CSMD1: variants seen among roughly 807,000 people sequenced by gnomAD.
CSMD1 encodes CUB and sushi domain-containing protein 1.
A neutral mutation model predicts 417.5 loss-of-function variants in CSMD1; 213 were observed. The ratio of observed to expected loss-of-function variants is 0.51; its 90% CI spans 0.46 to 0.57. The LOEUF is 0.57. Ranked by LOEUF, CSMD1 falls within the 20% of genes least tolerant of loss-of-function variation. The probability of loss-of-function intolerance (pLI) is 0.00; values close to 1 mark genes in which losing one functional copy is unlikely to be tolerated. For synonymous variants in CSMD1, 2,862 were observed against 1,736.8 expected, an observed-to-expected ratio of 1.65 and a Z score of -16.11; for missense variants, 6,923 against 4,529.7, an observed-to-expected ratio of 1.53 and a Z score of -15.17.
Position 3,529,368 on chromosome 8 carries a change from A to T in CSMD1, c.1345-35642T>A, listed in dbSNP as rs371735533. On this transcript the variant is annotated intron_variant, in intron 10 of 69. Transcript: ENST00000635120. The stretch of plus-strand genomic sequence containing the variant: ...GTACTAAATCAATTCAAGAAAGAGT[A>T]ACTCCCTCTTAAAATAATTGACTAT... Among the ~76,000 whole-genome samples, 151 of 152,332 alleles carry T rather than the reference A, an allele frequency of 9.9e-4. 6 individuals carry two copies. The South Asian group carries it at 0.03, about 31-fold the overall frequency.
rs184274637 is a variant in CSMD1, at chr8:3,988,999, T to G, written c.818+8904A>C. On this transcript the variant is annotated intron_variant, in intron 5 of 69. Coordinates refer to ENST00000635120, the MANE Select transcript of CSMD1 (RefSeq NM_033225.6). ...ATAGACTTTTAGAACTAGATACAGG[T>G]AAAAACCATTGTTCAAAACACATTC... Among the ~76,000 whole-genome samples the G allele has an allele frequency of 1.3e-3, 195 of 152,328 alleles. 1 individual carries two copies. The Middle Eastern group carries it at 0.024, about 19-fold the overall frequency.
chr8:4,118,572 A>C (rs1207250371), intron 3 of CSMD1, among the ~76,000 whole-genome samples: 1 of 152,232 alleles, frequency 6.6e-6, no homozygotes, highest in African/African-American at 2.4e-5. Flanking sequence ...AATGGCGATC[A>C]TGAAAAAGTA....
chr8:4,414,210 G>C (rs920660963), intron 3 of CSMD1, among the ~76,000 whole-genome samples: 3 of 152,166 alleles, frequency 2.0e-5, no homozygotes, highest in African/African-American at 7.2e-5. Context: ...ATCCACAGGT[G>C]TTAAAGAAAA....
chr8:4,778,952 C>T (rs73177596), intron 1 of CSMD1, among the ~76,000 whole-genome samples: 2,999 of 152,182 alleles, frequency 0.02, 46 homozygotes, highest in Non-Finnish European at 0.031. Context: ...TTTAAATAGC[C>T]ATAATGTTAA....
intron 3 of CSMD1, among the ~76,000 whole-genome samples, chr8:4,281,173 G>A (rs552063181): frequency 1.1e-4 from 17 of 152,150 alleles, no homozygotes; most frequent in Non-Finnish European, 2.2e-4. Context: ...TGGTTTTCAG[G>A]TCAAATGTAA....
intron 12 of CSMD1, among the ~76,000 whole-genome samples, chr8:3,434,856 C>G (rs181814917): frequency 6.6e-6 from 1 of 152,070 alleles, no homozygotes; most frequent in African/African-American, 2.4e-5. Flanking sequence ...ACACTCAAAT[C>G]GGAAAATTAA....
chr8:4,084,999 G>A (rs188005155), intron 3 of CSMD1, among the ~76,000 whole-genome samples: 39 of 150,408 alleles, frequency 2.6e-4, no homozygotes, highest in African/African-American at 8.5e-4. Context: ...CGCGTGACAG[G>A]GAATTTAGAT....
chr8:3,238,680 A>T (rs1226830960), intron 26 of CSMD1, among the ~76,000 whole-genome samples: 1 of 152,146 alleles, frequency 6.6e-6, no homozygotes, highest in Non-Finnish European at 1.5e-5. Context: ...ATGAATTGAA[A>T]AACTAAACGG....
At chr8:4,006,574 T>C (rs918549716) in intron 4 of CSMD1, among the ~76,000 whole-genome samples, 4 of 152,242 alleles carry the variant, frequency 2.6e-5, no homozygotes, top group Middle Eastern at 3.4e-3. Context: ...AATGGCAATA[T>C]TCTTGGGATG....
chr8:4,466,108 G>A (rs927512450), intron 2 of CSMD1, among the ~76,000 whole-genome samples: 1 of 152,134 alleles, frequency 6.6e-6, no homozygotes, highest in African/African-American at 2.4e-5. Flanking sequence ...ACCAGCTCTC[G>A]AGTAAATGGG....
chr8:4,880,559 C>T (rs1803325080), intron 1 of CSMD1, among the ~76,000 whole-genome samples: 1 of 152,062 alleles, frequency 6.6e-6, no homozygotes, highest in Non-Finnish European at 1.5e-5. Context: ...CTGAAATCCT[C>T]TTTACTACAT....
chr8:4,957,550 T>C (rs1809200184), intron 1 of CSMD1, among the ~76,000 whole-genome samples: 1 of 152,196 alleles, frequency 6.6e-6, no homozygotes, highest in Non-Finnish European at 1.5e-5. Context: ...AAATTCATTG[T>C]GATATCAGTG....
chr8:3,439,005 C>T (rs1312834732), intron 12 of CSMD1, among the ~76,000 whole-genome samples: 2 of 150,204 alleles, frequency 1.3e-5, no homozygotes, highest in Non-Finnish European at 3.0e-5. Context: ...ATCCCAAATC[C>T]CAGCTACCCA....
At chr8:3,583,095 G>A (rs148170225) in intron 9 of CSMD1, among the ~76,000 whole-genome samples, 155 of 152,184 alleles carry the variant, frequency 1.0e-3, no homozygotes, top group African/African-American at 3.6e-3. Flanking sequence ...CTCTTCCTGG[G>A]GAGCCTGGCC....
intron 1 of CSMD1, among the ~76,000 whole-genome samples, chr8:4,982,495 G>A (rs1173139919): frequency 1.3e-5 from 2 of 152,118 alleles, no homozygotes; most frequent in Admixed American, 1.3e-4. Flanking sequence ...GTCATTAAAG[G>A]CATTAAAAAG....
At chr8:4,201,028 T>C (rs909774158) in intron 3 of CSMD1, among the ~76,000 whole-genome samples, 4 of 152,202 alleles carry the variant, frequency 2.6e-5, no homozygotes, top group Non-Finnish European at 5.9e-5. Context: ...CATCATGAGA[T>C]ACTACAGAGA....
In CSMD1 at chr8:3,140,265, T is replaced by C. The variant is rs145687463; in HGVS notation, c.6241+2200A>G. Among the ~76,000 whole-genome samples the C allele has an allele frequency of 4.4e-3, 674 of 152,216 alleles. 1 individual carries two copies. Among genetic ancestry groups the C allele is most frequent in the Non-Finnish European group, 6.9e-3 (466 of 68,010 alleles). ...ATTGAAAAAGAGAGAGAGCAGAGAATAGATGCACAGGCAAGCAGATCTGTA... is the reference window on the plus strand; with the variant it reads ...ATTGAAAAAGAGAGAGAGCAGAGAACAGATGCACAGGCAAGCAGATCTGTA... On this transcript the variant is annotated intron_variant, in intron 41 of 69. Coordinates refer to ENST00000635120, the MANE Select transcript of CSMD1 (RefSeq NM_033225.6).
intron 1 of CSMD1, among the ~76,000 whole-genome samples, chr8:4,838,308 G>C (rs1044569286): frequency 2.6e-5 from 4 of 152,174 alleles, no homozygotes; most frequent in African/African-American, 9.7e-5. Flanking sequence ...GCTAACGTAA[G>C]CGTTCATGGA....
chr8:3,228,132 T>C (rs1253104276), intron 27 of CSMD1, among the ~76,000 whole-genome samples: 1 of 152,248 alleles, frequency 6.6e-6, no homozygotes, highest in African/African-American at 2.4e-5. Flanking sequence ...TCTATATTAA[T>C]TGTAATTGTC....
Sources: allele counts gnomAD v4.1 joint callset (sites outside exome capture counted in the v4.1 genomes callset), GRCh38; gene constraint gnomAD v4.1.1; transcripts MANE v1.5; gene names NCBI Gene and HGNC (gene_info 2026-07-23, HGNC 2026-07-21).